Variants in NLN observed in about 807,000 individuals in gnomAD.
The protein encoded by NLN is neurolysin.
A neutral mutation model predicts 79.9 loss-of-function variants in NLN; 64 were observed. The observed-to-expected ratio is 0.80, with a 90% CI of 0.65 to 0.99. The LOEUF (loss-of-function observed/expected upper bound fraction) is 0.99. Among genes scored for constraint, NLN ranks in the 50% least tolerant of loss-of-function variants. The pLI is 0.00. For synonymous variants in NLN, 267 were observed against 296.6 expected (o/e 0.90, Z 1.02); for missense variants, 835 against 858.7 (o/e 0.97, Z 0.34).
In NLN at chr5:65,734,541, GA is replaced by G. The variant is rs35225716; in HGVS notation, c.41+12140del. Among the ~76,000 whole-genome samples the G allele has an allele frequency of 1.1e-3, 108 of 100,424 alleles. 2 individuals carry two copies. The highest frequency in any genetic ancestry group is 1.1e-3 in the Non-Finnish European group (49 of 46,342). The allele number at this position is 100,424 out of a possible 152,430, so 65.9% of individuals were successfully genotyped here. ...GTCAAAAATAAATGGAACCTGAATG[GA>G]AAAAAAAAAAAAGAAAGACTCTGCC... On this transcript the variant is annotated intron_variant, in intron 1 of 12. Transcript: ENST00000380985.
At chr5:65,757,611 T>C (rs1041924035) in intron 1 of NLN, among the ~76,000 whole-genome samples, 1 of 152,214 alleles carries the variant, frequency 6.6e-6, no homozygotes, top group Non-Finnish European at 1.5e-5. Context: ...TATATGTATA[T>C]GTATGCATAT....
chr5:65,773,884 A>G (rs968504963), intron 3 of NLN, among the ~76,000 whole-genome samples: 1 of 152,154 alleles, frequency 6.6e-6, no homozygotes, highest in African/African-American at 2.4e-5. Flanking sequence ...TCAAGGCTGC[A>G]ATGAGCCATG....
intron 12 of NLN, among the ~76,000 whole-genome samples, chr5:65,821,362 G>T (rs570022167): frequency 6.6e-6 from 1 of 152,110 alleles, no homozygotes; most frequent in Non-Finnish European, 1.5e-5. Flanking sequence ...GCTGTTGAGC[G>T]CTTGAAATGA....
chr5:65,811,492 A>T (rs558989597), intron 11 of NLN, among the ~76,000 whole-genome samples: 1 of 151,814 alleles, frequency 6.6e-6, no homozygotes, highest in Admixed American at 6.6e-5. Context: ...TCCTATATAA[A>T]GTAGCCCTAC....
At chr5:65,815,109 T>G (rs1386163246) in intron 12 of NLN, among the ~76,000 whole-genome samples, 1 of 152,226 alleles carries the variant, frequency 6.6e-6, no homozygotes, top group Non-Finnish European at 1.5e-5. Context: ...TATGACGTCT[T>G]ACTGGCAATC....
At chr5:65,736,912 G>A (rs1298360898) in intron 1 of NLN, among the ~76,000 whole-genome samples, 2 of 151,962 alleles carry the variant, frequency 1.3e-5, no homozygotes, top group Non-Finnish European at 2.9e-5. Context: ...ACCTGCCTGG[G>A]CTATATAGGA....
Position 65,758,851 on chromosome 5 carries a change from A to G in NLN, c.301+25A>G, listed in dbSNP as rs200482920. On this transcript the variant is annotated intron_variant, in intron 2 of 12. Transcript: ENST00000380985. ...GGTGGGTCAGATGCAGAAGCATATCAGTGTTTCACTTTGTGGACATCTTAA... is the reference window on the plus strand; with the variant it reads ...GGTGGGTCAGATGCAGAAGCATATCGGTGTTTCACTTTGTGGACATCTTAA... 28 of 1,585,950 alleles carry G rather than the reference A, an allele frequency of 1.8e-5. No individual in the cohort carries two copies. In the East Asian group the frequency reaches 5.0e-4, roughly 28 times the overall value.
At chr5:65,746,451 G>C (rs1259410636) in intron 1 of NLN, among the ~76,000 whole-genome samples, 1 of 152,166 alleles carries the variant, frequency 6.6e-6, no homozygotes, top group East Asian at 1.9e-4. Flanking sequence ...TGGGGACCTT[G>C]GTGAGAGCAG....
At chr5:65,774,603 A>T (rs371608873) in intron 3 of NLN, among the ~76,000 whole-genome samples, 1 of 151,998 alleles carries the variant, frequency 6.6e-6, no homozygotes, top group African/African-American at 2.4e-5. Flanking sequence ...ATTTCCCAAG[A>T]CCTGTGTCTG....
chr5:65,785,836 G>A lies in NLN; in HGVS notation c.884G>A (p.Gly295Asp), dbSNP rs771314405. 6 of 1,613,754 alleles carry A rather than the reference G, an allele frequency of 3.7e-6. No individual in the cohort carries two copies. The Admixed American group carries it at 1.0e-4, about 27-fold the overall frequency. The change falls in exon 7 of 13, where the codon GGT (glycine) becomes GAT (aspartate). Residue 295 changes from glycine to aspartate, a missense_variant. Gly to Asp is a moderately conservative substitution (Grantham distance 94). Coordinates refer to ENST00000380985, the MANE Select transcript of NLN (RefSeq NM_020726.5). Reference protein sequence around the residue: ...PLRTKVAKLLGYSTHADFVLE... With the variant: ...PLRTKVAKLLDYSTHADFVLE... ...CGAACCAAGGTGGCCAAACTACTCG[G>A]TTATAGCACACATGCTGACTTCGTC...
chr5:65,725,850 C>T (rs1031785288), intron 1 of NLN, among the ~76,000 whole-genome samples: 4 of 152,172 alleles, frequency 2.6e-5, no homozygotes, highest in South Asian at 2.1e-4. Context: ...CGGTGGCTCA[C>T]GCCTGTAATC....
chr5:65,743,615 G>A (rs1758913722), intron 1 of NLN, among the ~76,000 whole-genome samples: 1 of 152,178 alleles, frequency 6.6e-6, no homozygotes, highest in African/African-American at 2.4e-5. Context: ...GTCTGTATGT[G>A]CAGAATGAGA....
chr5:65,735,824 A>G (rs941576780), intron 1 of NLN, among the ~76,000 whole-genome samples: 4 of 152,156 alleles, frequency 2.6e-5, no homozygotes, highest in Non-Finnish European at 5.9e-5. Flanking sequence ...CTTCAGCCAG[A>G]GAGTTTATGT....
chr5:65,731,424 C>A (rs550973778), intron 1 of NLN, among the ~76,000 whole-genome samples: 18 of 152,262 alleles, frequency 1.2e-4, no homozygotes, highest in Middle Eastern at 3.4e-3. Context: ...TCTACCACAT[C>A]GGCACATAAT....
In NLN at chr5:65,792,663, T is replaced by A; in HGVS notation, c.1527+8T>A. Reference sequence around the variant, plus strand: ...CATCAGATTTGTGCACAGGTGAGTTTTTTTTTTCCCCCAGTAAACCTGCCA... The same window carrying A: ...CATCAGATTTGTGCACAGGTGAGTTATTTTTTTCCCCCAGTAAACCTGCCA... On this transcript the variant is annotated splice_region_variant and intron_variant, in intron 9 of 12. Transcript: ENST00000380985. The A allele has an allele frequency of 6.2e-7, 1 of 1,609,016 alleles. No individual in the cohort carries two copies. The highest frequency in any genetic ancestry group is 8.5e-7 in the Non-Finnish European group (1 of 1,175,434).
chr5:65,744,586 A>G (rs1758934832), intron 1 of NLN, among the ~76,000 whole-genome samples: 1 of 151,848 alleles, frequency 6.6e-6, no homozygotes, highest in Non-Finnish European at 1.5e-5. Flanking sequence ...CATTTATTGC[A>G]TAGAGTGTTT....
intron 8 of NLN, among the ~76,000 whole-genome samples, chr5:65,789,812 C>T (rs1033217357): frequency 6.6e-6 from 1 of 152,164 alleles, no homozygotes; most frequent in Non-Finnish European, 1.5e-5. Context: ...TGCCAATAAT[C>T]TATGGCCACT....
intron 1 of NLN, among the ~76,000 whole-genome samples, chr5:65,725,252 G>T (rs555918639): frequency 5.3e-5 from 8 of 152,212 alleles, no homozygotes; most frequent in Non-Finnish European, 1.0e-4. Context: ...GTCATATGAA[G>T]TTGGAAAGAA....
At chr5:65,801,585 A>G (rs1002635646) in intron 9 of NLN, among the ~76,000 whole-genome samples, 2 of 152,242 alleles carry the variant, frequency 1.3e-5, no homozygotes, top group Non-Finnish European at 2.9e-5. Context: ...AGCATGACCA[A>G]CTTTCGGGAA....
Sources: gnomAD v4.1 joint callset for allele counts (sites outside exome capture counted in the v4.1 genomes callset) on GRCh38, gnomAD v4.1.1 for gene constraint, MANE v1.5 for transcripts, NCBI Gene and HGNC (gene_info 2026-07-23, HGNC 2026-07-21) for gene names.